Variants in HACD1 observed in about 807,000 individuals in gnomAD.
The protein encoded by HACD1 is very-long-chain (3R)-3-hydroxyacyl-CoA dehydratase 1.
Under a neutral mutation model 32.0 loss-of-function variants are expected in HACD1, and 41 were observed. That is an observed-to-expected ratio of 1.28 (90% CI 1.00 to 1.66). HACD1 has a LOEUF of 1.66. Among genes scored for constraint, HACD1 ranks in the 40% most tolerant of loss-of-function variants. The probability of loss-of-function intolerance (pLI) is 0.00; values close to 1 mark genes in which losing one functional copy is unlikely to be tolerated. For synonymous variants in HACD1, 142 were observed against 139.0 expected (o/e 1.02, Z -0.15); for missense variants, 396 against 380.1 (o/e 1.04, Z -0.35).
At chr10:17,595,760 C>T (rs1177165667) in intron 5 of HACD1, among the ~76,000 whole-genome samples, 3 of 151,768 alleles carry the variant, frequency 2.0e-5, no homozygotes, top group Non-Finnish European at 4.4e-5. Flanking sequence ...ACAGTTACCA[C>T]AGAAAACTTA....
rs146057066 is a variant in HACD1, at chr10:17,598,836, T to C, written c.605+454A>G. Among the ~76,000 whole-genome samples, 227 of 152,306 alleles carry C rather than the reference T, an allele frequency of 1.5e-3. 1 individual carries two copies. The highest frequency in any genetic ancestry group is 4.5e-3 in the African/African-American group (185 of 41,554). ...CAAATAATACAATTTTAAGTAAGTG[T>C]GACTTTTAAAAATGTCTCTGCAACT... On this transcript the variant is annotated intron_variant, in intron 5 of 6. Transcript: ENST00000361271.
rs1833907362 is a variant in HACD1 at position 17,589,923 on chromosome 10, T to C, written c.*441A>G. ...GCTGCCTTATTCCTGAAAAAATAGA[T>C]TGTGGGTTCAAAAATACCAATACAT... On this transcript the variant is annotated 3_prime_UTR_variant, in exon 7 of 7. Coordinates refer to ENST00000361271, the MANE Select transcript of HACD1 (RefSeq NM_014241.4). 1 of 152,254 alleles carries C rather than the reference T, an allele frequency of 6.6e-6. No individual in the cohort carries two copies. The highest frequency in any genetic ancestry group is 2.4e-5 in the African/African-American group (1 of 41,434). The allele number at this position is 152,254 out of a possible 1,614,324, so 9.4% of individuals were successfully genotyped here. A position where few individuals can be genotyped will look rare whatever the true frequency, so the allele number is the denominator to read the frequency against.
Position 17,617,240 on chromosome 10 carries a change from G to C in HACD1, c.100C>G (p.Pro34Ala), listed in dbSNP as rs920978952. The C allele has an allele frequency of 3.2e-5, 48 of 1,484,582 alleles. No homozygotes were observed. The highest frequency in any genetic ancestry group is 4.3e-5 in the Non-Finnish European group (48 of 1,122,710). The allele number at this position is 1,484,582 out of a possible 1,614,324, so 92.0% of individuals were successfully genotyped here. Residue 34 changes from proline (P) to alanine (A), a missense_variant, in exon 1 of 7, where the codon CCC becomes GCC. Transcript: ENST00000361271. ...PTLLPLSPTS[P>A]RCAATMASSD... ...GACGCCATGGTGGCCGCGCACCTGG[G>C]GGACGTGGGAGACAGCGGCAGGAGC...
intron 1 of HACD1, among the ~76,000 whole-genome samples, chr10:17,609,826 G>GA (rs1187605261): frequency 9.3e-5 from 14 of 151,210 alleles, no homozygotes; most frequent in Admixed American, 7.9e-4. Flanking sequence ...ACTAAAAATA[G>GA]AAAAAAAATT....
chr10:17,615,544 A>T (rs1833063755), intron 1 of HACD1: 1 of 154,836 alleles, frequency 6.5e-6, no homozygotes, highest in African/African-American at 2.4e-5. Flanking sequence ...GAGAAAGTTT[A>T]AAATATTAAG....
chr10:17,598,737 G>A (rs1161150735), intron 5 of HACD1, among the ~76,000 whole-genome samples: 1 of 152,142 alleles, frequency 6.6e-6, no homozygotes, highest in African/African-American at 2.4e-5. Context: ...AAGAAGAACA[G>A]ATATCTTTTC....
chr10:17,617,079 G>A lies in HACD1; in HGVS notation c.257+4C>T, dbSNP rs1554818159. On this transcript the variant is annotated splice_donor_region_variant and intron_variant, in intron 1 of 6. Coordinates refer to ENST00000361271, the MANE Select transcript of HACD1 (RefSeq NM_014241.4). Reference sequence around the variant, plus strand: ...GGCCCGAGGGTGCCCCGCGGCGCGCGTACCCCGCGGTCATGGCGATGTCGT... The same window carrying A: ...GGCCCGAGGGTGCCCCGCGGCGCGCATACCCCGCGGTCATGGCGATGTCGT... 2 of 1,479,664 alleles carry A rather than the reference G, an allele frequency of 1.4e-6. No individual in the cohort carries two copies. The highest frequency in any genetic ancestry group is 1.8e-6 in the Non-Finnish European group (2 of 1,118,524). The allele number at this position is 1,479,664 out of a possible 1,614,324, so 91.7% of individuals were successfully genotyped here. A position where few individuals can be genotyped will look rare whatever the true frequency, so the allele number is the denominator to read the frequency against.
At chr10:17,597,474 A>T (rs1834009228) in intron 5 of HACD1, among the ~76,000 whole-genome samples, 3 of 152,118 alleles carry the variant, frequency 2.0e-5, no homozygotes, top group Non-Finnish European at 4.4e-5. Context: ...GCAAATTTAA[A>T]CATACGATGG....
intron 1 of HACD1, among the ~76,000 whole-genome samples, chr10:17,606,009 T>C (rs1834142039): frequency 1.3e-5 from 2 of 150,568 alleles, no homozygotes; most frequent in Admixed American, 1.3e-4. Context: ...AGATCCCGTC[T>C]CTACAAAAAA....
chr10:17,616,979 C>T, intron 1 of HACD1, 104 bp downstream of exon 1: 1 of 1,206,952 alleles, frequency 8.3e-7, no homozygotes, highest in Non-Finnish European at 1.0e-6. Context: ...GGCCGCTGCC[C>T]GCACCCCCCG....
intron 5 of HACD1, among the ~76,000 whole-genome samples, chr10:17,596,881 C>A (rs1036056848): frequency 3.3e-5 from 5 of 152,128 alleles, no homozygotes; most frequent in Non-Finnish European, 7.4e-5. Context: ...CAAACTGTAA[C>A]AATAGGCCAA....
Position 17,616,931 on chromosome 10 carries a change from C to A in HACD1, c.257+152G>T, listed in dbSNP as rs943776437. 7 of 847,396 alleles carry A rather than the reference C, an allele frequency of 8.3e-6. No individual in the cohort carries two copies. The East Asian group carries it at 2.8e-4, about 34-fold the overall frequency. The allele number at this position is 847,396 out of a possible 1,614,324, so 52.5% of individuals were successfully genotyped here. ...CGGCCCCCCCGCCCGCTCCATTCAACCCCGGCGGTGGCCGCGGCGACAGCT... is the reference window on the plus strand; with the variant it reads ...CGGCCCCCCCGCCCGCTCCATTCAAACCCGGCGGTGGCCGCGGCGACAGCT... On this transcript the variant is annotated intron_variant, in intron 1 of 6. Coordinates refer to ENST00000361271, the MANE Select transcript of HACD1 (RefSeq NM_014241.4).
At chr10:17,610,512 G>A (rs1339719647) in intron 1 of HACD1, among the ~76,000 whole-genome samples, 3 of 151,972 alleles carry the variant, frequency 2.0e-5, no homozygotes, top group Non-Finnish European at 2.9e-5. Flanking sequence ...AGCCAGGTGT[G>A]GTGGCACGTG....
chr10:17,596,628 A>G (rs1013411485), intron 5 of HACD1, among the ~76,000 whole-genome samples: 6 of 152,046 alleles, frequency 3.9e-5, no homozygotes, highest in Admixed American at 1.3e-4. Flanking sequence ...TTGCACTTCA[A>G]AAAGATTGCA....
intron 6 of HACD1, among the ~76,000 whole-genome samples, chr10:17,591,976 A>ATTTTTTTTT (rs71393019): frequency 0.015 from 1,471 of 96,866 alleles, 236 homozygotes; most frequent in African/African-American, 0.062. Context: ...CCAGCTACTG[A>ATTTTTTTTT]TTTTTTTTTT....
At chr10:17,611,236 G>A (rs1386182964) in intron 1 of HACD1, among the ~76,000 whole-genome samples, 1 of 152,084 alleles carries the variant, frequency 6.6e-6, no homozygotes, top group Non-Finnish European at 1.5e-5. Context: ...TCCTGACCTC[G>A]TGATCCGCCT....
intron 6 of HACD1, 110 bp from the exon 7 acceptor site, chr10:17,590,556 G>C: frequency 1.5e-6 from 1 of 678,180 alleles, no homozygotes; most frequent in Non-Finnish European, 2.4e-6. Context: ...CCATACCACT[G>C]CTGTTCCCTG....
chr10:17,612,361 A>G (rs1018951488), intron 1 of HACD1, among the ~76,000 whole-genome samples: 1 of 152,264 alleles, frequency 6.6e-6, no homozygotes, highest in African/African-American at 2.4e-5. Flanking sequence ...AAAATATACA[A>G]TACAGCAGAT....
At chr10:17,609,956 G>A (rs927518449) in intron 1 of HACD1, among the ~76,000 whole-genome samples, 4 of 147,684 alleles carry the variant, frequency 2.7e-5, no homozygotes, top group East Asian at 2.0e-4. Flanking sequence ...GCACTCCAGC[G>A]TAGGTGGCAC....
Sources: gnomAD v4.1 joint callset for allele counts (sites outside exome capture counted in the v4.1 genomes callset) on GRCh38, gnomAD v4.1.1 for gene constraint, MANE v1.5 for transcripts, NCBI Gene and HGNC (gene_info 2026-07-23, HGNC 2026-07-21) for gene names.